The following APOL4 variants were observed in gnomAD, a reference collection of about 807,000 sequenced individuals.
APOL4 encodes the protein apolipoprotein L, 4.
APOL4 carries 14 observed loss-of-function variants against 12.1 expected under a neutral mutation model. That is an observed-to-expected ratio of 1.16 (90% CI 0.76 to 1.81). The LOEUF (loss-of-function observed/expected upper bound fraction) is 1.81, where lower values mean the gene tolerates loss of function less well. APOL4 is among the 40% of genes most tolerant of loss of function. APOL4 has a pLI of 0.00. For missense variants in APOL4, 432 were observed against 423.1 expected (o/e 1.02, Z -0.18); for synonymous variants, 171 against 160.6 (o/e 1.06, Z -0.49).
At chr22:36,203,430 C>T (rs1272168740), upstream of APOL4, among the ~76,000 whole-genome samples, 2 of 152,124 alleles carry the variant, frequency 1.3e-5, no homozygotes, top group Non-Finnish European at 2.9e-5. Flanking sequence ...TGTAGAAGTA[C>T]AGTGCATTTG....
upstream of APOL4, among the ~76,000 whole-genome samples, chr22:36,202,665 G>A (rs6000186): frequency 0.12 from 17,451 of 151,704 alleles, 1,086 homozygotes; most frequent in African/African-American, 0.17. Context: ...GGCGGAGCTT[G>A]CAGTGAGCAG....
chr22:36,202,017 A>C, upstream of APOL4: 1 of 1,614,138 alleles, frequency 6.2e-7, no homozygotes, highest in Non-Finnish European at 8.5e-7. Flanking sequence ...AAAGATTTTC[A>C]GCAAAGCAGC....
intron 2 of APOL4, among the ~76,000 whole-genome samples, chr22:36,197,052 T>G (rs550263247): frequency 7.9e-5 from 12 of 152,232 alleles, no homozygotes; most frequent in Admixed American, 1.3e-4. Context: ...CAGGCTGGTC[T>G]CAGGGTACAC....
rs1229291880 is a variant in APOL4, at chr22:36,191,911, C to G, written c.211G>C (p.Glu71Gln). The G allele has an allele frequency of 1.3e-6, 2 of 1,582,730 alleles. No individual in the cohort carries two copies. The highest frequency in any genetic ancestry group is 1.1e-5 in the South Asian group (1 of 87,558). Residue 71 changes from glutamate to glutamine, a missense_variant and splice_region_variant, in exon 4 of 4, where the codon GAA becomes CAA. Physicochemically the swap from Glu to Gln is conservative, Grantham distance 29. Transcript: ENST00000683024. ...RFVRVAELPR[E>Q]EADALYEALK... Reference sequence around the variant, plus strand: ...GCTTCATAGAGAGCATCTGCCTCTTCCCTGTACCAATAAAGGACAGATGAT... The same window carrying G: ...GCTTCATAGAGAGCATCTGCCTCTTGCCTGTACCAATAAAGGACAGATGAT...
chr22:36,203,416 C>T (rs549064756), upstream of APOL4, among the ~76,000 whole-genome samples: 85 of 152,234 alleles, frequency 5.6e-4, 1 homozygote, highest in Admixed American at 8.5e-4. Flanking sequence ...ACATAACATT[C>T]GTATGTAGAA....
Position 36,199,164 on chromosome 22 carries a change from C to T in APOL4, c.82+166G>A, listed in dbSNP as rs368270027. Among the ~76,000 whole-genome samples the T allele has an allele frequency of 1.8e-3, 268 of 152,342 alleles. 1 individual carries two copies. The highest frequency in any genetic ancestry group is 6.2e-3 in the African/African-American group (256 of 41,586). On this transcript the variant is annotated intron_variant, in intron 2 of 3. Transcript: ENST00000683024. Reference sequence around the variant, plus strand: ...CAGAACCCTGGGTCAGGGGACTCCACGTGGCCTCTCTTGGGGCTTGGGGCA... The same window carrying T: ...CAGAACCCTGGGTCAGGGGACTCCATGTGGCCTCTCTTGGGGCTTGGGGCA...
intron 3 of APOL4, among the ~76,000 whole-genome samples, chr22:36,194,616 A>G (rs190097608): frequency 1.4e-4 from 21 of 152,260 alleles, no homozygotes; most frequent in Middle Eastern, 3.4e-3. Context: ...TACTAATAGC[A>G]TTGGACAGAC....
At chr22:36,201,562 T>C (rs910431561) in intron 1 of APOL4, 138 bp downstream of exon 1, 1 of 1,205,946 alleles carries the variant, frequency 8.3e-7, no homozygotes, top group Non-Finnish European at 1.1e-6. Flanking sequence ...GGGGCATCCC[T>C]TCGCCTTCTT....
At chr22:36,202,948 C>T (rs949948993), upstream of APOL4, among the ~76,000 whole-genome samples, 2 of 152,096 alleles carry the variant, frequency 1.3e-5, no homozygotes, top group African/African-American at 2.4e-5. Flanking sequence ...TGAAGAAAAA[C>T]GGGTGATTTT....
intron 1 of APOL4, chr22:36,199,589 C>T (rs775494515): frequency 2.6e-5 from 40 of 1,557,836 alleles, no homozygotes; most frequent in Admixed American, 1.2e-4. Flanking sequence ...ACTCTCACAC[C>T]AAGGAAAAGT....
chr22:36,195,216 G>T (rs1324756453), intron 3 of APOL4, 95 bp downstream of exon 3: 2 of 1,477,068 alleles, frequency 1.4e-6, no homozygotes, highest in East Asian at 2.3e-5. Flanking sequence ...AGAGGGGGCT[G>T]CCTGGAGGAG....
At chr22:36,200,534 C>T (rs1371966831) in intron 1 of APOL4, among the ~76,000 whole-genome samples, 1 of 152,266 alleles carries the variant, frequency 6.6e-6, no homozygotes, top group Non-Finnish European at 1.5e-5. Flanking sequence ...CCTGTTCCCT[C>T]TGCTGTCCTC....
rs577893547 is a variant in APOL4 at position 36,195,776 on chromosome 22, T to TCACA, written c.83-343_83-340dup. Among the ~76,000 whole-genome samples the TCACA allele has an allele frequency of 8.8e-3, 853 of 97,034 alleles. 13 individuals are homozygous for TCACA. Among genetic ancestry groups the TCACA allele is most frequent in the African/African-American group, 0.024 (679 of 28,302 alleles). The allele number at this position is 97,034 out of a possible 152,430, so 63.7% of individuals were successfully genotyped here. A position where few individuals can be genotyped will look rare whatever the true frequency, so the allele number is the denominator to read the frequency against. ...CTCTCTCTCTCTCTCTCTCTCTCTC[T>TCACA]CACACACACACACACACACACACAC... On this transcript the variant is annotated intron_variant, in intron 2 of 3. Transcript: ENST00000683024.
Position 36,197,930 on chromosome 22 carries a change from T to C in APOL4, c.82+1400A>G, listed in dbSNP as rs185251344. ...CACCCCAGACTCAATCATACCCTCC[T>C]TGTCCCACACCCACCTGTGCCACAG... On this transcript the variant is annotated intron_variant, in intron 2 of 3. Coordinates refer to ENST00000683024, the MANE Select transcript of APOL4 (RefSeq NM_001386885.1). 361 of 1,418,042 alleles carry C rather than the reference T, an allele frequency of 2.5e-4. 1 individual carries two copies. In the African/African-American group the frequency reaches 3.7e-3, roughly 14 times the overall value. 87.8% of individuals were successfully genotyped at this position (1,418,042 alleles called of 1,614,324 possible).
At chr22:36,197,878 A>C in intron 2 of APOL4, 1 of 1,515,612 alleles carries the variant, frequency 6.6e-7, no homozygotes. Context: ...GTAAGATCTA[A>C]CTCAGCACTG....
intron 2 of APOL4, among the ~76,000 whole-genome samples, chr22:36,196,952 T>A (rs132706): frequency 6.6e-6 from 1 of 152,104 alleles, no homozygotes; most frequent in African/African-American, 2.4e-5. Flanking sequence ...CTCTCTCAGA[T>A]GGGCAGTGGA....
intron 2 of APOL4, chr22:36,197,902 T>A: frequency 6.8e-7 from 1 of 1,472,246 alleles, no homozygotes; most frequent in Non-Finnish European, 9.0e-7. Flanking sequence ...CTGACCCACC[T>A]TTCACCCCAG....
Position 36,191,493 on chromosome 22 carries a change from T to A in APOL4, c.629A>T (p.Asp210Val), listed in dbSNP as rs373026421. The A allele has an allele frequency of 6.2e-7, 1 of 1,613,910 alleles. No homozygotes were observed. The change falls in exon 4 of 4, where the codon GAC (aspartate) becomes GTC (valine). Residue 210 changes from aspartate to valine, a missense_variant. Coordinates refer to ENST00000683024, the MANE Select transcript of APOL4 (RefSeq NM_001386885.1). Reference protein sequence around the residue: ...TASRLTATSTDQLEALRDILR... With the variant: ...TASRLTATSTVQLEALRDILR... ...AATGTCCCTTAATGCCTCCAATTGG[T>A]CAGTGCTGGTTGCAGTCAGCCTGCT... is the stretch of plus-strand genomic sequence containing the variant.
upstream of APOL4, among the ~76,000 whole-genome samples, chr22:36,203,322 T>C (rs1322031604): frequency 6.6e-6 from 1 of 152,144 alleles, no homozygotes; most frequent in Non-Finnish European, 1.5e-5. Flanking sequence ...TTCAGTTTAG[T>C]GAGGGCGGGG....
Sources: gnomAD v4.1 joint callset for allele counts (sites outside exome capture counted in the v4.1 genomes callset) on GRCh38, gnomAD v4.1.1 for gene constraint, MANE v1.5 for transcripts, NCBI Gene and HGNC (gene_info 2026-07-23, HGNC 2026-07-21) for gene names.